WDFY3: variants seen among roughly 807,000 people sequenced by gnomAD.
WDFY3 encodes the protein WD repeat and FYVE domain containing 3.
Under a neutral mutation model 409.6 loss-of-function variants are expected in WDFY3, and 66 were observed. That is an observed-to-expected ratio of 0.16 (90% CI 0.13 to 0.20). The LOEUF is 0.20. Ranked by LOEUF, WDFY3 falls within the 10% of genes least tolerant of loss-of-function variation. The pLI is 1.00. For synonymous variants in WDFY3, 1,521 were observed against 1,537.1 expected (o/e 0.99, Z 0.25); for missense variants, 3,031 against 4,298.1 (o/e 0.71, Z 8.24).
At chr4:84,948,941 T>G (rs1773250612) in intron 1 of WDFY3, among the ~76,000 whole-genome samples, 1 of 152,106 alleles carries the variant, frequency 6.6e-6, no homozygotes, top group Non-Finnish European at 1.5e-5. Context: ...CACCCTCCTA[T>G]TTCAGATTCC....
chr4:84,890,912 G>A (rs6828894), intron 3 of WDFY3, among the ~76,000 whole-genome samples: 1 of 152,156 alleles, frequency 6.6e-6, no homozygotes, highest in Non-Finnish European at 1.5e-5. Context: ...GGGTTCCCAA[G>A]TAGCTGGGAC....
intron 10 of WDFY3, among the ~76,000 whole-genome samples, chr4:84,822,394 A>G (rs993064644): frequency 6.6e-6 from 1 of 152,152 alleles, no homozygotes; most frequent in Non-Finnish European, 1.5e-5. Flanking sequence ...TACCAAAATT[A>G]GTAAATGGAG....
chr4:84,752,327 A>G (rs1740674387), intron 35 of WDFY3, among the ~76,000 whole-genome samples: 1 of 152,166 alleles, frequency 6.6e-6, no homozygotes, highest in South Asian at 2.1e-4. Context: ...TAGCCTGGCC[A>G]ACATGGCGAA....
At chr4:84,810,397 A>G in intron 13 of WDFY3, 53 bp from the exon 14 acceptor site, 1 of 1,404,800 alleles carries the variant, frequency 7.1e-7, no homozygotes, top group Non-Finnish European at 9.4e-7. Context: ...TCAAAAAAAA[A>G]AAAAAACCAC....
At chr4:84,673,961 A>G (rs1725842632) in intron 67 of WDFY3, among the ~76,000 whole-genome samples, 1 of 152,276 alleles carries the variant, frequency 6.6e-6, no homozygotes, top group Middle Eastern at 3.4e-3. Flanking sequence ...ACCAGTAAAA[A>G]TGTCCAGAGA....
chr4:84,809,741 T>G, intron 14 of WDFY3, 146 bp downstream of exon 14: 1 of 720,070 alleles, frequency 1.4e-6, no homozygotes, highest in Non-Finnish European at 2.2e-6. Flanking sequence ...AGAGTAATAT[T>G]CAAAAATAAA....
At chr4:84,951,019 A>C (rs1293077850) in intron 1 of WDFY3, among the ~76,000 whole-genome samples, 2 of 152,228 alleles carry the variant, frequency 1.3e-5, no homozygotes, top group African/African-American at 4.8e-5. Flanking sequence ...CCTATTCATT[A>C]ATAAACACAA....
Position 84,821,383 on chromosome 4 carries a change from G to A in WDFY3, c.1292C>T (p.Ala431Val). ...TTCTGGGAGTTTAGAAATCTTCTCT[G>A]CAAACTGTGACAATGTGTGCTGTGA... ...LESQHTLSQF[A>V]EKISKLPEVQ... Residue 431 changes from alanine to valine, a missense_variant, in exon 11 of 68, where the codon GCA becomes GTA. Coordinates refer to ENST00000295888, the MANE Select transcript of WDFY3 (RefSeq NM_014991.6). The A allele has an allele frequency of 1.2e-6, 2 of 1,613,840 alleles. No individual in the cohort carries two copies. The highest frequency in any genetic ancestry group is 1.1e-5 in the South Asian group (1 of 91,070).
At chr4:84,804,988 C>T (rs1751271331) in intron 15 of WDFY3, among the ~76,000 whole-genome samples, 1 of 152,088 alleles carries the variant, frequency 6.6e-6, no homozygotes, top group Non-Finnish European at 1.5e-5. Flanking sequence ...TGAAATGCTC[C>T]AAAATCCAAA....
chr4:84,932,580 C>T (rs989903092), intron 1 of WDFY3, among the ~76,000 whole-genome samples: 1 of 152,102 alleles, frequency 6.6e-6, no homozygotes, highest in Non-Finnish European at 1.5e-5. Context: ...CATCTGATTT[C>T]ACTTCTTCAT....
chr4:84,821,775 C>A (rs933297168), intron 10 of WDFY3, among the ~76,000 whole-genome samples: 1 of 152,036 alleles, frequency 6.6e-6, no homozygotes, highest in African/African-American at 2.4e-5. Context: ...TATTTCAATT[C>A]AAAAATAGTG....
At chr4:84,691,312 C>T (rs967197637) in intron 60 of WDFY3, among the ~76,000 whole-genome samples, 31 of 151,992 alleles carry the variant, frequency 2.0e-4, no homozygotes, top group Non-Finnish European at 3.7e-4. Flanking sequence ...TTCTGGTTGA[C>T]AGAAATGCTG....
At chr4:84,735,891 G>A (rs1490650881) in intron 42 of WDFY3, among the ~76,000 whole-genome samples, 6 of 152,228 alleles carry the variant, frequency 3.9e-5, no homozygotes, top group African/African-American at 1.4e-4. Context: ...TAACATTATT[G>A]AAAGCTGGGA....
intron 13 of WDFY3, among the ~76,000 whole-genome samples, chr4:84,814,142 A>G (rs527383157): frequency 1.3e-5 from 2 of 152,324 alleles, no homozygotes; most frequent in Admixed American, 6.5e-5. Context: ...CTATGGCATA[A>G]GGATTATTTT....
rs967117377 is a variant in WDFY3, at chr4:84,820,891, TTCC to T, written c.1591+190_1591+192del. 8.7e-4 allele frequency among the ~76,000 whole-genome samples: 132 copies of T among 152,194 alleles called. 1 individual carries two copies. Among genetic ancestry groups the T allele is most frequent in the African/African-American group, 3.1e-3 (130 of 41,564 alleles). On this transcript the variant is annotated intron_variant, in intron 11 of 67. Coordinates refer to ENST00000295888, the MANE Select transcript of WDFY3 (RefSeq NM_014991.6). ...TCCAATACACTCACATAATTCTAGC[TTCC>T]TCCTCCTCAATTACCTAACAGAGGT...
intron 21 of WDFY3, 116 bp from the exon 22 acceptor site, chr4:84,790,023 T>C: frequency 9.0e-7 from 1 of 1,116,560 alleles, no homozygotes; most frequent in South Asian, 1.6e-5. Flanking sequence ...TGATGCAGAC[T>C]GATTTGAGTA....
In WDFY3 at chr4:84,740,376, T is replaced by A. The variant is rs778141693; in HGVS notation, c.6275A>T (p.Tyr2092Phe). The A allele has an allele frequency of 1.2e-5, 19 of 1,614,078 alleles. No homozygotes were observed. In the Admixed American group the frequency reaches 3.2e-4, roughly 27 times the overall value. ...CAAGATGGTCCTATTGAGGCAATGA[T>A]ACACTGCATCCAGTGACAATCCCTG... ...RSQGLSLDAV[Y>F]HCLNRTILYQ... The change falls in exon 39 of 68, where the codon TAT (tyrosine) becomes TTT (phenylalanine). Residue 2092 changes from tyrosine (Y) to phenylalanine (F), a missense_variant. Around this residue, in one of 16 missense-constraint regions of WDFY3, gnomAD observed 314 missense variants for 397.4 expected, o/e 0.79. Coordinates refer to ENST00000295888, the MANE Select transcript of WDFY3 (RefSeq NM_014991.6).
intron 1 of WDFY3, among the ~76,000 whole-genome samples, 160 bp from the exon 2 acceptor site, chr4:84,932,523 A>G (rs1770891625): frequency 6.6e-6 from 1 of 152,168 alleles, no homozygotes; most frequent in African/African-American, 2.4e-5. Context: ...TTTGCTATTA[A>G]AGATCCATGA....
intron 5 of WDFY3, chr4:84,849,622 C>G (rs2150104502): frequency 2.8e-5 from 5 of 179,628 alleles, no homozygotes; most frequent in Admixed American, 6.4e-5. Flanking sequence ...AAATTTCATG[C>G]TGAGGAATTT....
Sources: gnomAD v4.1 joint callset for allele counts (sites outside exome capture counted in the v4.1 genomes callset) on GRCh38, gnomAD v4.1.1 for gene constraint, gnomAD v4.1.1 regional missense constraint, MANE v1.5 for transcripts, NCBI Gene and HGNC (gene_info 2026-07-23, HGNC 2026-07-21) for gene names.